The following ARHGAP44 variants were observed in gnomAD, a reference collection of about 807,000 sequenced individuals.
ARHGAP44 encodes Rho GTPase activating protein 44.
ARHGAP44 carries 43 observed loss-of-function variants against 106.8 expected under a neutral mutation model. The observed-to-expected ratio is 0.40, with a 90% CI of 0.32 to 0.52. ARHGAP44 has a LOEUF of 0.52. ARHGAP44 is among the 20% of genes least tolerant of loss of function. The probability of loss-of-function intolerance (pLI) is 0.48; values close to 1 mark genes in which losing one functional copy is unlikely to be tolerated. For missense variants in ARHGAP44, 866 were observed against 1,050.5 expected, an observed-to-expected ratio of 0.82 and a Z score of 2.43; for synonymous variants, 439 against 410.3, an observed-to-expected ratio of 1.07 and a Z score of -0.85.
intron 13 of ARHGAP44, among the ~76,000 whole-genome samples, chr17:12,954,161 GC>G: frequency 6.6e-6 from 1 of 151,648 alleles, no homozygotes; most frequent in Non-Finnish European, 1.5e-5. Context: ...GCCTCCCAAA[GC>G]CCTGAGATTA....
chr17:12,914,808 A>G (rs1336466265), intron 4 of ARHGAP44, among the ~76,000 whole-genome samples: 2 of 151,334 alleles, frequency 1.3e-5, no homozygotes, highest in African/African-American at 4.9e-5. Flanking sequence ...AGAAAAAAAA[A>G]AAAAAACCTC....
intron 1 of ARHGAP44, among the ~76,000 whole-genome samples, chr17:12,858,054 G>A (rs1165809041): frequency 6.6e-6 from 1 of 152,114 alleles, no homozygotes; most frequent in Non-Finnish European, 1.5e-5. Flanking sequence ...TATATTTTGA[G>A]ATACCAGCAT....
intron 10 of ARHGAP44, among the ~76,000 whole-genome samples, chr17:12,948,214 T>A (rs1409680597): frequency 6.6e-6 from 1 of 152,242 alleles, no homozygotes; most frequent in Non-Finnish European, 1.5e-5. Context: ...TTTCGCTTCA[T>A]AGCTCCCTTT....
chr17:12,913,923 C>T (rs755141847), intron 4 of ARHGAP44, among the ~76,000 whole-genome samples: 12 of 139,988 alleles, frequency 8.6e-5, no homozygotes, highest in East Asian at 2.2e-4. Flanking sequence ...GAGCCAAGTA[C>T]GCGTCACTGC....
chr17:12,855,666 C>T (rs2035886108), intron 1 of ARHGAP44, among the ~76,000 whole-genome samples: 1 of 152,064 alleles, frequency 6.6e-6, no homozygotes, highest in African/African-American at 2.4e-5. Context: ...TATATTTATT[C>T]CCAATTCCCA....
chr17:12,876,756 C>A (rs2036567394), intron 1 of ARHGAP44, among the ~76,000 whole-genome samples: 1 of 151,466 alleles, frequency 6.6e-6, no homozygotes, highest in South Asian at 2.1e-4. Flanking sequence ...ACTAAAAATA[C>A]AAAAATTAGC....
At chr17:12,873,797 C>G (rs531090037) in intron 1 of ARHGAP44, among the ~76,000 whole-genome samples, 51 of 152,096 alleles carry the variant, frequency 3.4e-4, no homozygotes, top group African/African-American at 1.1e-3. Flanking sequence ...ACTGGGGAGG[C>G]TGAAGCTGAG....
intron 16 of ARHGAP44, 106 bp downstream of exon 16, chr17:12,959,003 T>C: frequency 7.5e-7 from 1 of 1,336,452 alleles, no homozygotes; most frequent in Non-Finnish European, 1.0e-6. Context: ...GCACTGACTC[T>C]CAGCAGTTTA....
intron 1 of ARHGAP44, among the ~76,000 whole-genome samples, chr17:12,822,552 A>G (rs965757994): frequency 1.3e-4 from 20 of 152,182 alleles, no homozygotes; most frequent in Admixed American, 1.2e-3. Context: ...ATAAAGCATT[A>G]CTGTTAATTA....
At chr17:12,973,713 A>AG (rs1436700968) in intron 17 of ARHGAP44, 2 of 469,042 alleles carry the variant, frequency 4.3e-6, no homozygotes, top group East Asian at 7.8e-5. Flanking sequence ...CTGCCCCCCC[A>AG]GTTAGGCCAC....
At chr17:12,810,937 CAGTT>C (rs1567625711) in intron 1 of ARHGAP44, among the ~76,000 whole-genome samples, 1 of 152,138 alleles carries the variant, frequency 6.6e-6, no homozygotes, top group African/African-American at 2.4e-5. Flanking sequence ...CACAAACAAT[CAGTT>C]AGCACATATT....
chr17:12,946,252 C>T (rs1037427493), intron 10 of ARHGAP44, among the ~76,000 whole-genome samples: 3 of 152,190 alleles, frequency 2.0e-5, no homozygotes, highest in African/African-American at 7.2e-5. Context: ...TTCCTGCCCC[C>T]AAACCCCTGC....
intron 3 of ARHGAP44, among the ~76,000 whole-genome samples, chr17:12,899,035 A>G (rs562763606): frequency 3.3e-5 from 5 of 152,028 alleles, no homozygotes; most frequent in Admixed American, 6.6e-5. Context: ...CAGTGGCGCA[A>G]TCTCGGCTCA....
At chr17:12,928,592 A>G (rs2038313355) in intron 6 of ARHGAP44, among the ~76,000 whole-genome samples, 1 of 152,226 alleles carries the variant, frequency 6.6e-6, no homozygotes, top group Non-Finnish European at 1.5e-5. Context: ...TGATTTATCC[A>G]TTAAAAATAA....
intron 3 of ARHGAP44, 64 bp downstream of exon 3, chr17:12,896,575 T>C: frequency 7.2e-7 from 1 of 1,381,110 alleles, no homozygotes; most frequent in Non-Finnish European, 1.0e-6. Context: ...TTCCTACTCC[T>C]GTGACACTCC....
chr17:12,982,670 C>T (rs1447222580), intron 19 of ARHGAP44: 1 of 152,224 alleles, frequency 6.6e-6, no homozygotes. Context: ...CATGTATGAT[C>T]TCATTTAATT....
intron 3 of ARHGAP44, among the ~76,000 whole-genome samples, chr17:12,906,981 A>C (rs1177700544): frequency 6.6e-6 from 1 of 152,076 alleles, no homozygotes; most frequent in African/African-American, 2.4e-5. Context: ...GAAAAAAAGG[A>C]AAGAAGAAGA....
chr17:12,973,668 C>T, intron 17 of ARHGAP44: 1 of 480,552 alleles, frequency 2.1e-6, no homozygotes, highest in Admixed American at 3.8e-5. Context: ...GCTGCCCCTC[C>T]CACCTCGTCT....
chr17:12,824,764 C>T (rs2034870478), intron 1 of ARHGAP44, among the ~76,000 whole-genome samples: 2 of 151,852 alleles, frequency 1.3e-5, no homozygotes, highest in Non-Finnish European at 2.9e-5. Context: ...TAATGTACCT[C>T]GCTAGCCTCC....
Sources: allele counts gnomAD v4.1 joint callset (sites outside exome capture counted in the v4.1 genomes callset), GRCh38; gene constraint gnomAD v4.1.1; transcripts MANE v1.5; gene names NCBI Gene and HGNC (gene_info 2026-07-23, HGNC 2026-07-21).